FAM13A: variants seen among roughly 807,000 people sequenced by gnomAD.
The protein encoded by FAM13A is protein FAM13A.
Under a neutral mutation model 129.6 loss-of-function variants are expected in FAM13A, and 76 were observed. That is an observed-to-expected ratio of 0.59 (90% CI 0.49 to 0.71). The LOEUF is 0.71. Among genes scored for constraint, FAM13A ranks in the 30% least tolerant of loss-of-function variants. FAM13A has a pLI of 0.00. For synonymous variants in FAM13A, 443 were observed against 449.9 expected (o/e 0.98, Z 0.20); for missense variants, 1,108 against 1,249.3 (o/e 0.89, Z 1.70).
At chr4:88,887,817 G>C (rs1744704423) in intron 6 of FAM13A, among the ~76,000 whole-genome samples, 1 of 152,128 alleles carries the variant, frequency 6.6e-6, no homozygotes, top group African/African-American at 2.4e-5. Flanking sequence ...ACAGGCGTGA[G>C]CCACCGTGCC....
chr4:89,000,252 A>C (rs1242849488), intron 3 of FAM13A, among the ~76,000 whole-genome samples: 2 of 152,226 alleles, frequency 1.3e-5, no homozygotes, highest in African/African-American at 4.8e-5. Flanking sequence ...AAATGTTCAT[A>C]ACAGCCAAAA....
chr4:88,964,275 C>T (rs137907799), intron 4 of FAM13A, among the ~76,000 whole-genome samples: 93 of 152,194 alleles, frequency 6.1e-4, no homozygotes, highest in African/African-American at 2.1e-3. Flanking sequence ...TCAGAGAATA[C>T]CATGGGTAAG....
chr4:88,810,931 T>C (rs1371383358), intron 7 of FAM13A, among the ~76,000 whole-genome samples: 1 of 152,180 alleles, frequency 6.6e-6, no homozygotes, highest in Non-Finnish European at 1.5e-5. Context: ...TCCTGCTAAA[T>C]TGGCTTTATG....
chr4:88,902,791 T>G (rs574203072), intron 6 of FAM13A, among the ~76,000 whole-genome samples: 1 of 152,146 alleles, frequency 6.6e-6, no homozygotes, highest in South Asian at 2.1e-4. Context: ...ATAAACCGTA[T>G]TCAAATAGCA....
At chr4:88,880,324 C>T (rs1322623444) in intron 6 of FAM13A, among the ~76,000 whole-genome samples, 1 of 152,140 alleles carries the variant, frequency 6.6e-6, no homozygotes, top group African/African-American at 2.4e-5. Context: ...ACTGGGAAAC[C>T]TGAAGGTCCA....
At chr4:88,966,471 A>G (rs1228831653) in intron 4 of FAM13A, among the ~76,000 whole-genome samples, 1 of 152,202 alleles carries the variant, frequency 6.6e-6, no homozygotes, top group African/African-American at 2.4e-5. Flanking sequence ...TGCTATAGCC[A>G]AATAAGTAAA....
chr4:89,027,874 CTCA>C (rs1768172729), intron 2 of FAM13A, among the ~76,000 whole-genome samples: 1 of 151,886 alleles, frequency 6.6e-6, no homozygotes, highest in African/African-American at 2.4e-5. Flanking sequence ...GGCTGGAGAT[CTCA>C]TCATGCTACT....
At chr4:88,841,094 A>G (rs2149933798) in intron 7 of FAM13A, among the ~76,000 whole-genome samples, 2 of 152,276 alleles carry the variant, frequency 1.3e-5, no homozygotes, top group East Asian at 3.9e-4. Context: ...TCATGATCTT[A>G]CATTATGCAA....
intron 1 of FAM13A, among the ~76,000 whole-genome samples, chr4:89,035,001 G>T (rs186199154): frequency 1.9e-4 from 29 of 152,302 alleles, no homozygotes; most frequent in Admixed American, 7.2e-4. Context: ...TGGCAGAATA[G>T]ATAAAGAAAA....
chr4:88,934,718 A>G (rs185024184), intron 5 of FAM13A, among the ~76,000 whole-genome samples: 94 of 152,344 alleles, frequency 6.2e-4, no homozygotes, highest in African/African-American at 2.2e-3. Flanking sequence ...TGAAACCTAT[A>G]AAAACAAAAC....
intron 8 of FAM13A, among the ~76,000 whole-genome samples, chr4:88,796,531 ATATAGT>A (rs568139390): frequency 1.7e-4 from 26 of 152,178 alleles, no homozygotes; most frequent in African/African-American, 6.0e-4. Flanking sequence ...TGTTATGGAC[ATATAGT>A]TATATGTATA....
chr4:88,869,604 C>A (rs1247341403), intron 6 of FAM13A, among the ~76,000 whole-genome samples: 1 of 152,200 alleles, frequency 6.6e-6, no homozygotes, highest in Non-Finnish European at 1.5e-5. Flanking sequence ...ACTCTCAGGG[C>A]ACTTTATTTT....
At chr4:88,994,687 A>C (rs1400688381) in intron 3 of FAM13A, among the ~76,000 whole-genome samples, 3 of 152,104 alleles carry the variant, frequency 2.0e-5, no homozygotes, top group Non-Finnish European at 4.4e-5. Flanking sequence ...AAAAAATACA[A>C]AAATTAGCTG....
At chr4:88,925,744 A>G (rs956221735) in intron 5 of FAM13A, among the ~76,000 whole-genome samples, 1 of 151,148 alleles carries the variant, frequency 6.6e-6, no homozygotes, top group Non-Finnish European at 1.5e-5. Flanking sequence ...ATGCCAATGT[A>G]TAAGTAAATA....
chr4:88,969,959 A>G (rs945384195), intron 4 of FAM13A, among the ~76,000 whole-genome samples: 1 of 152,214 alleles, frequency 6.6e-6, no homozygotes, highest in African/African-American at 2.4e-5. Context: ...CTCAGCATCG[A>G]TATCAGTTCT....
At chr4:88,751,607 T>C (rs371041661) in intron 14 of FAM13A, among the ~76,000 whole-genome samples, 7 of 45,540 alleles carry the variant, frequency 1.5e-4, no homozygotes, top group African/African-American at 4.8e-4. Context: ...GTTTAGATAA[T>C]CTGTTAAAAA....
In FAM13A at chr4:89,020,550, C is replaced by T. The variant is rs367589453; in HGVS notation, c.337G>A (p.Ala113Thr). The T allele has an allele frequency of 6.2e-6, 10 of 1,613,660 alleles. No homozygotes were observed. In the African/African-American group the frequency reaches 1.1e-4, roughly 17 times the overall value. ...AGAAACAGCTTCAACAGACTGGCTGCTGAGCAGACATCACCGTCCTTCCCG... is the reference window on the plus strand; with the variant it reads ...AGAAACAGCTTCAACAGACTGGCTGTTGAGCAGACATCACCGTCCTTCCCG... ...ELGKDGDVCSAASLLKLFLRE... is the reference protein window; with the variant it reads ...ELGKDGDVCSTASLLKLFLRE... Residue 113 changes from alanine (A) to threonine (T), a missense_variant, in exon 3 of 24, where the codon GCA becomes ACA. By Grantham distance (58) the Ala-to-Thr change is moderately conservative. Transcript: ENST00000264344.
intron 3 of FAM13A, among the ~76,000 whole-genome samples, chr4:89,005,974 A>C (rs937291459): frequency 2.0e-5 from 3 of 152,142 alleles, no homozygotes; most frequent in Admixed American, 2.0e-4. Flanking sequence ...TTTGTCATGA[A>C]ACCTTTGCCC....
chr4:88,992,849 G>A (rs1007006197), intron 3 of FAM13A, among the ~76,000 whole-genome samples: 1 of 152,150 alleles, frequency 6.6e-6, no homozygotes, highest in Non-Finnish European at 1.5e-5. Context: ...ACATCTAAGA[G>A]AATAAAAATG....
Sources: gnomAD v4.1 joint callset for allele counts (sites outside exome capture counted in the v4.1 genomes callset) on GRCh38, gnomAD v4.1.1 for gene constraint, MANE v1.5 for transcripts, NCBI Gene and HGNC (gene_info 2026-07-23, HGNC 2026-07-21) for gene names.